AP1M1: variants seen among roughly 807,000 people sequenced by gnomAD.
AP1M1 encodes adaptor related protein complex 1 subunit mu 1, also known as AP-1 complex subunit mu-1.
In AP1M1, 18 loss-of-function variants were observed where a neutral mutation model predicts 57.1. The observed-to-expected ratio is 0.32, with a 90% CI of 0.22 to 0.47. The LOEUF (loss-of-function observed/expected upper bound fraction) is 0.47. Among genes scored for constraint, AP1M1 ranks in the 20% least tolerant of loss-of-function variants. The pLI is 1.00. For missense variants in AP1M1, 362 were observed against 593.5 expected, an observed-to-expected ratio of 0.61 and a Z score of 4.05; for synonymous variants, 241 against 237.9, an observed-to-expected ratio of 1.01 and a Z score of -0.12.
At chr19:16,229,047 A>G in intron 9 of AP1M1, 119 bp downstream of exon 9, 3 of 1,223,862 alleles carry the variant, frequency 2.5e-6, no homozygotes, top group South Asian at 2.8e-5. Context: ...TGTCTTCCAC[A>G]CCTGGGGCTT....
chr19:16,213,939 T>G (rs562743883), intron 5 of AP1M1, among the ~76,000 whole-genome samples: 1 of 152,380 alleles, frequency 6.6e-6, no homozygotes, highest in African/African-American at 2.4e-5. Flanking sequence ...TGTCATTGTG[T>G]TGTTAGCTGT....
At chr19:16,202,796 G>A (rs116317694) in intron 1 of AP1M1, among the ~76,000 whole-genome samples, 9 of 152,206 alleles carry the variant, frequency 5.9e-5, no homozygotes, top group African/African-American at 1.2e-4. Flanking sequence ...TAAGATTCTC[G>A]TGCTAGTGTT....
rs370663435 is a variant in AP1M1, at chr19:16,244,882, T to TTTTTTGTTGTTGTTGTTG, written c.*10449_*10450insTTTGTTGTTGTTGTTGTT. 0.018 allele frequency: 2,703 copies of TTTTTTGTTGTTGTTGTTG among 149,658 alleles called. 37 individuals are homozygous for TTTTTTGTTGTTGTTGTTG. The highest frequency in any genetic ancestry group is 0.022 in the African/African-American group (875 of 40,012). The allele number at this position is 149,658 out of a possible 1,614,324, so 9.3% of individuals were successfully genotyped here. ...TAAATAACATGGATAAAATTTGTTG[T>TTTTTTGTTGTTGTTGTTG]TTGTTGTTGTTGTTGTTGTTGTTGT... is the stretch of plus-strand genomic sequence containing the variant. On this transcript the variant is annotated 3_prime_UTR_variant, in exon 12 of 12. Coordinates refer to ENST00000291439, the MANE Select transcript of AP1M1 (RefSeq NM_032493.4).
Position 16,228,987 on chromosome 19 carries a change from G to A in AP1M1, c.1047+59G>A, listed in dbSNP as rs2091584064. ...TGCGCCTGTCTCTGCAAGGCAGCCTGGGTGCCTCAGGACCCCCTGCACCTC... is the reference window on the plus strand; with the variant it reads ...TGCGCCTGTCTCTGCAAGGCAGCCTAGGTGCCTCAGGACCCCCTGCACCTC... On this transcript the variant is annotated intron_variant, in intron 9 of 11. Coordinates refer to ENST00000291439, the MANE Select transcript of AP1M1 (RefSeq NM_032493.4). The surrounding 1 kb of genome is among the most constrained non-coding windows in gnomAD (Gnocchi z 5.0). 1 of 1,578,818 alleles carries A rather than the reference G, an allele frequency of 6.3e-7. No homozygotes were observed. The highest frequency in any genetic ancestry group is 8.6e-7 in the Non-Finnish European group (1 of 1,156,306).
intron 1 of AP1M1, among the ~76,000 whole-genome samples, chr19:16,201,294 T>C (rs1568346742): frequency 6.7e-6 from 1 of 149,778 alleles, no homozygotes; most frequent in Non-Finnish European, 1.5e-5. Context: ...AGGATAGAAA[T>C]AAATGTTTAA....
In AP1M1 at chr19:16,203,213, C is replaced by T; in HGVS notation, c.43-246C>T. ...TCCTGGACCTTTGCTGCAGAGTTCG[C>T]CTCTACCCTCACCCTGCGAAGAACT... On this transcript the variant is annotated intron_variant, in intron 1 of 11. Coordinates refer to ENST00000291439, the MANE Select transcript of AP1M1 (RefSeq NM_032493.4). The surrounding 1 kb of genome is among the most constrained non-coding windows in gnomAD (Gnocchi z 4.6). 1.8e-6 allele frequency: 1 copy of T among 541,076 alleles called. No individual in the cohort carries two copies. The allele number at this position is 541,076 out of a possible 1,614,324, so 33.5% of individuals were successfully genotyped here. A position where few individuals can be genotyped will look rare whatever the true frequency, so the allele number is the denominator to read the frequency against.
chr19:16,205,510 G>A (rs1013750975), intron 2 of AP1M1, among the ~76,000 whole-genome samples: 1 of 152,154 alleles, frequency 6.6e-6, no homozygotes, highest in Non-Finnish European at 1.5e-5. Flanking sequence ...CTGTGCTGGG[G>A]TGAGGCGGGA....
At chr19:16,229,249 C>T (rs1311678159) in intron 9 of AP1M1, among the ~76,000 whole-genome samples, 5 of 152,158 alleles carry the variant, frequency 3.3e-5, no homozygotes, top group African/African-American at 4.8e-5. Flanking sequence ...CCATGCAGGC[C>T]CTGAAGGAGC....
In AP1M1 at chr19:16,198,326, C is replaced by G. The variant is rs1035479081; in HGVS notation, c.42+258C>G. On this transcript the variant is annotated intron_variant, in intron 1 of 11. Coordinates refer to ENST00000291439, the MANE Select transcript of AP1M1 (RefSeq NM_032493.4). ...GTTGCCAGGTAACTGACTGCACCGC[C>G]CTCTGCTCCCCGGCGCCGGGGCCGG... The G allele has an allele frequency of 1.9e-5, 5 of 265,034 alleles. No homozygotes were observed. The South Asian group carries it at 5.4e-4, about 29-fold the overall frequency. The allele number at this position is 265,034 out of a possible 1,614,324, so 16.4% of individuals were successfully genotyped here.
In AP1M1 at chr19:16,208,090, G is replaced by A. The variant is rs543903627; in HGVS notation, c.339G>A (p.Leu113=). The change falls in exon 4 of 12, where the codon CTG becomes CTA. Residue 113 remains leucine (L), a synonymous_variant. Coordinates refer to ENST00000291439, the MANE Select transcript of AP1M1 (RefSeq NM_032493.4). ...IRDNFVIIYE[L]LDELMDFGYP... ...ACAACTTTGTTATCATCTACGAGCT[G>A]CTGGACGAGCTCATGGACTTCGGCT... The A allele has an allele frequency of 4.3e-6, 7 of 1,614,020 alleles. No homozygotes were observed. The African/African-American group carries it at 9.3e-5, about 22-fold the overall frequency.
chr19:16,198,921 C>T (rs1323742906), intron 1 of AP1M1, among the ~76,000 whole-genome samples: 1 of 152,120 alleles, frequency 6.6e-6, no homozygotes, highest in Non-Finnish European at 1.5e-5. Context: ...AATTTTCCTG[C>T]CTCAGCCTCC....
intron 5 of AP1M1, among the ~76,000 whole-genome samples, chr19:16,216,601 G>A (rs2091520216): frequency 6.6e-6 from 1 of 152,164 alleles, no homozygotes; most frequent in Admixed American, 6.5e-5. Context: ...CCTTTGAATG[G>A]GTTTCTTTTT....
Position 16,203,384 on chromosome 19 carries a change from C to A in AP1M1, c.43-75C>A. 6.6e-7 allele frequency: 1 copy of A among 1,512,578 alleles called. No individual in the cohort carries two copies. Among genetic ancestry groups the A allele is most frequent in the Non-Finnish European group, 9.2e-7 (1 of 1,092,134 alleles). 93.7% of individuals were successfully genotyped at this position (1,512,578 alleles called of 1,614,324 possible). Reference sequence around the variant, plus strand: ...CCCAGAGCGAAGCAGGGTGGTGCATCTCACCCCCTGCCCCAAGCCCCCAGA... The same window carrying A: ...CCCAGAGCGAAGCAGGGTGGTGCATATCACCCCCTGCCCCAAGCCCCCAGA... On this transcript the variant is annotated intron_variant, in intron 1 of 11. Transcript: ENST00000291439. The surrounding 1 kb of genome is among the most constrained non-coding windows in gnomAD (Gnocchi z 4.6).
rs1336860549 is a variant in AP1M1 at position 16,206,501 on chromosome 19, T to C, written c.267+93T>C. On this transcript the variant is annotated intron_variant, in intron 3 of 11. Transcript: ENST00000291439. The surrounding 1 kb of genome is among the most constrained non-coding windows in gnomAD (Gnocchi z 4.3). ...CATACCTGGCCACCCTACAGAGAGC[T>C]GTGGCATCCCCAGGGAGCACTGGGG... 1 of 1,359,156 alleles carries C rather than the reference T, an allele frequency of 7.4e-7. No homozygotes were observed. Among genetic ancestry groups the C allele is most frequent in the Non-Finnish European group, 1.0e-6 (1 of 957,986 alleles). The allele number at this position is 1,359,156 out of a possible 1,614,324, so 84.2% of individuals were successfully genotyped here.
chr19:16,208,759 A>G (rs2091480691), intron 4 of AP1M1: 2 of 358,124 alleles, frequency 5.6e-6, no homozygotes, highest in African/African-American at 2.0e-5. Context: ...TTCCTTCCCA[A>G]CATGGTCTTC....
intron 1 of AP1M1, among the ~76,000 whole-genome samples, chr19:16,200,804 C>T (rs1455633486): frequency 1.3e-5 from 2 of 152,214 alleles, no homozygotes; most frequent in East Asian, 1.9e-4. Context: ...CAGGAGGCTG[C>T]GCTCTGGGGG....
At position 16,197,915 on chromosome 19, in the gene AP1M1, G is replaced by C. The variant is rs899568187; in HGVS notation, c.-112G>C. Reference sequence around the variant, plus strand: ...CCCCGCGCGGCTCCCCGAACCGGAAGTGGAGGTGAGCTGTCGCGGGCGGCG... The same window carrying C: ...CCCCGCGCGGCTCCCCGAACCGGAACTGGAGGTGAGCTGTCGCGGGCGGCG... On this transcript the variant is annotated 5_prime_UTR_variant, in exon 1 of 12. Transcript: ENST00000291439. 6.1e-5 allele frequency: 53 copies of C among 873,168 alleles called. No homozygotes were observed. The highest frequency in any genetic ancestry group is 3.1e-4 in the Admixed American group (9 of 28,724). The allele number at this position is 873,168 out of a possible 1,614,324, so 54.1% of individuals were successfully genotyped here.
intron 4 of AP1M1, chr19:16,208,388 G>T (rs1240327034): frequency 1.8e-5 from 7 of 395,518 alleles, no homozygotes; most frequent in Non-Finnish European, 3.2e-5. Flanking sequence ...CATCCACACA[G>T]ATGCCTTCAG....
intron 5 of AP1M1, among the ~76,000 whole-genome samples, chr19:16,215,877 T>A (rs988778691): frequency 5.3e-5 from 8 of 152,226 alleles, no homozygotes; most frequent in African/African-American, 1.9e-4. Flanking sequence ...TCGTTATTTT[T>A]TCTCTATTCT....
Sources: gnomAD v4.1 joint callset for allele counts (sites outside exome capture counted in the v4.1 genomes callset) on GRCh38, gnomAD v4.1.1 for gene constraint, Gnocchi (gnomAD v3.1) non-coding constraint, MANE v1.5 for transcripts, NCBI Gene and HGNC (gene_info 2026-07-23, HGNC 2026-07-21) for gene names.